CDCA2: variants seen among roughly 807,000 people sequenced by gnomAD.
CDCA2 encodes the protein cell division cycle associated 2.
In CDCA2, 44 loss-of-function variants were observed where a neutral mutation model predicts 67.0. The observed-to-expected ratio is 0.66, with a 90% confidence interval of 0.52 to 0.84. The LOEUF is 0.84. CDCA2 is among the 40% of genes least tolerant of loss of function. CDCA2 has a pLI of 0.00. For synonymous variants in CDCA2, 447 were observed against 418.7 expected (o/e 1.07, Z -0.82); for missense variants, 1,253 against 1,203.2 (o/e 1.04, Z -0.61).
In CDCA2 at chr8:25,466,301, A is replaced by G; in HGVS notation, c.514A>G (p.Lys172Glu). Residue 172 changes from lysine to glutamate, a missense_variant, in exon 5 of 15, where the codon AAA becomes GAA. Transcript: ENST00000330560. Reference sequence around the variant, plus strand: ...CTGTCTGGAATTCTCAGAGGCAGGAAAAGAGTCCGAGATGACAGACTTGAG... The same window carrying G: ...CTGTCTGGAATTCTCAGAGGCAGGAGAAGAGTCCGAGATGACAGACTTGAG... ...TGCLEFSEAG[K>E]ESEMTDLTRK... The G allele has an allele frequency of 1.2e-6, 2 of 1,606,624 alleles. No homozygotes were observed. The highest frequency in any genetic ancestry group is 1.1e-5 in the South Asian group (1 of 89,358).
chr8:25,468,034 CTT>C (rs1802984981), intron 5 of CDCA2, among the ~76,000 whole-genome samples, 181 bp from the exon 6 acceptor site: 1 of 136,548 alleles, frequency 7.3e-6, no homozygotes, highest in African/African-American at 2.7e-5. Context: ...AGGAGTATCA[CTT>C]GAGCCCAGAA....
chr8:25,490,787 G>A (rs527744593), intron 13 of CDCA2, among the ~76,000 whole-genome samples: 6 of 152,282 alleles, frequency 3.9e-5, no homozygotes, highest in African/African-American at 9.6e-5. Context: ...TTGCCCTAAT[G>A]CAAATCCTGA....
At chr8:25,483,326 A>G in intron 8 of CDCA2, 73 bp from the exon 9 acceptor site, 3 of 921,386 alleles carry the variant, frequency 3.3e-6, no homozygotes, top group Admixed American at 2.7e-5. Flanking sequence ...AGAATTTCAA[A>G]ACTGCTGTTC....
intron 2 of CDCA2, 31 bp from the exon 3 acceptor site, chr8:25,460,353 C>T (rs367627932): frequency 2.5e-6 from 4 of 1,614,004 alleles, no homozygotes; most frequent in Non-Finnish European, 3.4e-6. Flanking sequence ...AGAGAGTTGT[C>T]CTCACCCCTA....
rs769484890 is a variant in CDCA2, at chr8:25,507,447, T to C, written c.2781T>C (p.Phe927=). Reference sequence around the variant, plus strand: ...CCAAAAGAAGAACAATATGTACATTTGACAGCAGTGGATTTGAAAGTATGT... The same window carrying C: ...CCAAAAGAAGAACAATATGTACATTCGACAGCAGTGGATTTGAAAGTATGT... The part of the protein sequence containing the change: ...QKAKRRTICT[F]DSSGFESMSP... Residue 927 remains phenylalanine, a synonymous_variant, in exon 15 of 15, where the codon TTT becomes TTC. Coordinates refer to ENST00000330560, the MANE Select transcript of CDCA2 (RefSeq NM_152562.4). The C allele has an allele frequency of 1.2e-6, 2 of 1,614,110 alleles. No individual in the cohort carries two copies. The highest frequency in any genetic ancestry group is 3.3e-5 in the Admixed American group (2 of 60,008).
intron 13 of CDCA2, among the ~76,000 whole-genome samples, chr8:25,491,296 A>G (rs1373886906): frequency 1.3e-5 from 2 of 152,206 alleles, no homozygotes; most frequent in Admixed American, 1.3e-4. Context: ...GGAAGAAATT[A>G]TTCAAATAAG....
In CDCA2 at chr8:25,460,390, CCT is replaced by C; in HGVS notation, c.71_72del (p.Ser24PhefsTer20). 6.2e-7 allele frequency: 1 copy of C among 1,614,152 alleles called. No individual in the cohort carries two copies. Among genetic ancestry groups the C allele is most frequent in the Non-Finnish European group, 8.5e-7 (1 of 1,180,032 alleles). On this transcript the variant is annotated frameshift_variant, in exon 3 of 15. Transcript: ENST00000330560. LOFTEE classifies it high-confidence loss of function. ...AATATGTCGTCCGTTTCAGGAAATG[CCT>C]CTTTCATTTTGGGAACTGGGAAGAT... is the stretch of plus-strand genomic sequence containing the variant.
rs745734274 is a variant in CDCA2 at position 25,479,931 on chromosome 8, G to A, written c.839G>A (p.Cys280Tyr). The stretch of plus-strand genomic sequence containing the variant: ...CTTGAAGCACTAAAGGTTGCTGACT[G>A]TGTAGTGGGCAAAGGATCAAGTGAT... ...ETSNALKVAD[C>Y]VVGKGSSDAV... is the part of the protein sequence containing the mutation. The change falls in exon 8 of 15, where the codon TGT (cysteine) becomes TAT (tyrosine). Residue 280 changes from cysteine (C) to tyrosine (Y), a missense_variant. Cys to Tyr is a radical substitution (Grantham distance 194). Transcript: ENST00000330560. 4.3e-6 allele frequency: 7 copies of A among 1,614,168 alleles called. No homozygotes were observed. The Admixed American group carries it at 6.7e-5, about 15-fold the overall frequency.
At chr8:25,480,646 A>T (rs1803533229) in intron 8 of CDCA2, among the ~76,000 whole-genome samples, 2 of 152,192 alleles carry the variant, frequency 1.3e-5, no homozygotes, top group African/African-American at 4.8e-5. Flanking sequence ...ATATATATAT[A>T]ACAGTAGTGC....
In CDCA2 at chr8:25,468,293, C is replaced by T; in HGVS notation, c.615C>T (p.Ser205=). ...AVLSSKRRRI[S]YQRDSDENLT... ...TGTCCTCCAAACGTCGGAGAATATCCTATCAGAGAGACTCTGATGAAAATC... is the reference window on the plus strand; with the variant it reads ...TGTCCTCCAAACGTCGGAGAATATCTTATCAGAGAGACTCTGATGAAAATC... Residue 205 remains serine (S), a synonymous_variant, in exon 6 of 15, where the codon TCC becomes TCT. Transcript: ENST00000330560. 1 of 1,613,682 alleles carries T rather than the reference C, an allele frequency of 6.2e-7. No homozygotes were observed.
intron 4 of CDCA2, among the ~76,000 whole-genome samples, chr8:25,464,079 C>T (rs1304427118): frequency 6.6e-6 from 1 of 152,196 alleles, no homozygotes; most frequent in Non-Finnish European, 1.5e-5. Context: ...ACCTCTTTTA[C>T]CTGTAACTAC....
intron 13 of CDCA2, 69 bp from the exon 14 acceptor site, chr8:25,503,304 G>C (rs1156653348): frequency 1.6e-6 from 2 of 1,218,976 alleles, no homozygotes; most frequent in Admixed American, 1.9e-5. Flanking sequence ...AAAATAACTA[G>C]TTAAAGGGTC....
chr8:25,492,109 T>C (rs1175450618), intron 13 of CDCA2, among the ~76,000 whole-genome samples: 2 of 150,296 alleles, frequency 1.3e-5, no homozygotes, highest in Non-Finnish European at 3.0e-5. Flanking sequence ...TAATTTTTTT[T>C]TACTTTCTTG....
chr8:25,475,961 C>T (rs997231548), intron 7 of CDCA2, among the ~76,000 whole-genome samples: 1 of 152,222 alleles, frequency 6.6e-6, no homozygotes, highest in Non-Finnish European at 1.5e-5. Flanking sequence ...CAAACGTCTG[C>T]TTCCCACTCA....
chr8:25,498,489 G>T (rs1177014730), intron 13 of CDCA2, among the ~76,000 whole-genome samples: 1 of 94,188 alleles, frequency 1.1e-5, no homozygotes, highest in Non-Finnish European at 2.2e-5. Context: ...CAAAGTGCTG[G>T]GATTACAGAT....
At chr8:25,459,063 T>TC (rs1401534593), upstream of CDCA2, 1 of 152,062 alleles carries the variant, frequency 6.6e-6, no homozygotes, top group Non-Finnish European at 1.5e-5. Context: ...CTCGCGGTGG[T>TC]CCCTCTCCGA....
intron 9 of CDCA2, 82 bp from the exon 10 acceptor site, chr8:25,483,884 A>T: frequency 2.5e-6 from 3 of 1,207,260 alleles, no homozygotes; most frequent in Non-Finnish European, 3.5e-6. Context: ...ATATTATCAC[A>T]TTAAAAGATT....
intron 13 of CDCA2, among the ~76,000 whole-genome samples, chr8:25,497,393 T>C (rs887604228): frequency 2.0e-5 from 3 of 151,828 alleles, no homozygotes; most frequent in Admixed American, 6.6e-5. Flanking sequence ...AAAGAAATCC[T>C]GTCATTTTGA....
intron 8 of CDCA2, among the ~76,000 whole-genome samples, chr8:25,482,671 C>T (rs1277348845): frequency 6.6e-6 from 1 of 152,194 alleles, no homozygotes; most frequent in Non-Finnish European, 1.5e-5. Context: ...GGGTTCAAGA[C>T]CTGCCTGGGC....
Sources: gnomAD v4.1 joint callset for allele counts (sites outside exome capture counted in the v4.1 genomes callset) on GRCh38, gnomAD v4.1.1 for gene constraint, MANE v1.5 for transcripts, NCBI Gene and HGNC (gene_info 2026-07-23, HGNC 2026-07-21) for gene names.